The following NALF1 variants were observed in gnomAD, a reference collection of about 807,000 sequenced individuals.
NALF1 encodes family with sequence similarity 155 member A.
Under a neutral mutation model 48.4 loss-of-function variants are expected in NALF1, and 3 were observed. The observed-to-expected ratio is 0.06, with a 90% CI of 0.03 to 0.16. The LOEUF is 0.16. Ranked by LOEUF, NALF1 falls within the 10% of genes least tolerant of loss-of-function variation. The pLI, the probability that NALF1 is intolerant of heterozygous loss-of-function variation, is 1.00. For synonymous variants in NALF1, 262 were observed against 245.7 expected (o/e 1.07, Z -0.62); for missense variants, 526 against 571.5 (o/e 0.92, Z 0.81).
chr13:107,680,277 T>C (rs111653121), intron 1 of NALF1, among the ~76,000 whole-genome samples: 1 of 152,220 alleles, frequency 6.6e-6, no homozygotes, highest in Non-Finnish European at 1.5e-5. Flanking sequence ...ATGACTGTGA[T>C]GACACCAGGC....
intron 1 of NALF1, among the ~76,000 whole-genome samples, chr13:107,509,359 G>C (rs1307681352): frequency 6.6e-6 from 1 of 152,068 alleles, no homozygotes; most frequent in East Asian, 1.9e-4. Context: ...TAATTATAAA[G>C]CATATTAATA....
chr13:107,633,880 G>GTA (rs201973204), intron 1 of NALF1, among the ~76,000 whole-genome samples: 15,783 of 142,334 alleles, frequency 0.11, 1,292 homozygotes, highest in Admixed American at 0.2. Context: ...ATGTGTGTGT[G>GTA]TATATATATA....
intron 1 of NALF1, among the ~76,000 whole-genome samples, chr13:107,433,704 G>A (rs16970102): frequency 0.098 from 14,888 of 151,782 alleles, 775 homozygotes; most frequent in Non-Finnish European, 0.12. Context: ...ATTTTGTGTC[G>A]TGATAGAAGC....
intron 1 of NALF1, among the ~76,000 whole-genome samples, chr13:107,416,174 A>AAT (rs1884084873): frequency 7.0e-6 from 1 of 143,682 alleles, no homozygotes; most frequent in Non-Finnish European, 1.5e-5. Context: ...GCCCGGCTAA[A>AAT]TTTTTTTTTT....
intron 1 of NALF1, among the ~76,000 whole-genome samples, chr13:107,371,084 C>A (rs76540473): frequency 6.6e-6 from 1 of 152,288 alleles, no homozygotes; most frequent in Admixed American, 6.5e-5. Flanking sequence ...TTCAGAGATA[C>A]ACATTTCAGT....
At chr13:107,496,628 A>T (rs887143685) in intron 1 of NALF1, among the ~76,000 whole-genome samples, 1 of 152,184 alleles carries the variant, frequency 6.6e-6, no homozygotes, top group Non-Finnish European at 1.5e-5. Context: ...TGGAAAAGGA[A>T]ATGTATTAGT....
At chr13:107,662,048 T>G (rs1338355278) in intron 1 of NALF1, among the ~76,000 whole-genome samples, 1 of 152,190 alleles carries the variant, frequency 6.6e-6, no homozygotes, top group Non-Finnish European at 1.5e-5. Context: ...TTAAAAGAAG[T>G]CAGGGTTGGA....
At chr13:107,544,974 C>T (rs1263026571) in intron 1 of NALF1, among the ~76,000 whole-genome samples, 1 of 152,166 alleles carries the variant, frequency 6.6e-6, no homozygotes, top group Non-Finnish European at 1.5e-5. Context: ...TACAGTGACA[C>T]ACTGTGCTGA....
intron 1 of NALF1, among the ~76,000 whole-genome samples, chr13:107,258,295 G>C (rs879120703): frequency 6.6e-6 from 1 of 152,036 alleles, no homozygotes; most frequent in Admixed American, 6.6e-5. Context: ...GTTAATTTTA[G>C]ATTGCTAAAT....
intron 1 of NALF1, among the ~76,000 whole-genome samples, chr13:107,271,007 A>G (rs952372957): frequency 1.5e-4 from 23 of 152,182 alleles, no homozygotes; most frequent in African/African-American, 5.6e-4. Flanking sequence ...AGTATCAGCT[A>G]TGCCAAATTT....
chr13:107,576,023 T>C (rs1878137832), intron 1 of NALF1, among the ~76,000 whole-genome samples: 1 of 151,940 alleles, frequency 6.6e-6, no homozygotes, highest in Admixed American at 6.6e-5. Flanking sequence ...CCTGTGTCTG[T>C]ACGTGTTTGT....
chr13:107,208,268 G>A (rs983806598), intron 2 of NALF1, among the ~76,000 whole-genome samples: 5 of 152,120 alleles, frequency 3.3e-5, no homozygotes, highest in Non-Finnish European at 5.9e-5. Context: ...GGCCTCTCAC[G>A]GAGATGGCAC....
chr13:107,230,995 G>T (rs1344351927), intron 1 of NALF1, among the ~76,000 whole-genome samples: 1 of 148,326 alleles, frequency 6.7e-6, no homozygotes, highest in East Asian at 2.0e-4. Flanking sequence ...GGGAGGTTGA[G>T]GTTGCAGTGA....
intron 1 of NALF1, among the ~76,000 whole-genome samples, chr13:107,512,221 C>T (rs572961582): frequency 2.6e-5 from 4 of 152,162 alleles, no homozygotes; most frequent in Non-Finnish European, 4.4e-5. Flanking sequence ...GGTGAAACTC[C>T]GTCTCTACTA....
intron 1 of NALF1, among the ~76,000 whole-genome samples, chr13:107,363,454 T>A (rs1883100494): frequency 6.6e-6 from 1 of 152,012 alleles, no homozygotes; most frequent in Non-Finnish European, 1.5e-5. Flanking sequence ...AAAAGATTAT[T>A]GGGGCATGGT....
chr13:107,757,416 T>TTTC lies in NALF1; in HGVS notation c.915+108265_915+108266insGAA, dbSNP rs71676681. Among the ~76,000 whole-genome samples the TTTC allele has an allele frequency of 1.1e-4, 8 of 71,440 alleles. 1 individual carries two copies. Among genetic ancestry groups the TTTC allele is most frequent in the African/African-American group, 2.8e-4 (4 of 14,332 alleles). 46.9% of individuals were successfully genotyped at this position (71,440 alleles called of 152,430 possible). On this transcript the variant is annotated intron_variant, in intron 1 of 2. Coordinates refer to ENST00000375915, the MANE Select transcript of NALF1 (RefSeq NM_001080396.3). The stretch of plus-strand genomic sequence containing the variant: ...AGTTAACAACACTGGCCCTCATTTC[T>TTTC]TTTTTTTTTTTTTTTTTTCAGTCAA...
chr13:107,731,533 C>A (rs1282235497), intron 1 of NALF1, among the ~76,000 whole-genome samples: 1 of 152,100 alleles, frequency 6.6e-6, no homozygotes, highest in Non-Finnish European at 1.5e-5. Flanking sequence ...TTATTATTTT[C>A]TGTTGCTCTC....
At chr13:107,701,011 G>C (rs1446618211) in intron 1 of NALF1, among the ~76,000 whole-genome samples, 2 of 152,254 alleles carry the variant, frequency 1.3e-5, no homozygotes, top group Middle Eastern at 6.8e-3. Context: ...ACAGAGAAAA[G>C]AGAACCCCAG....
At chr13:107,201,953 G>T (rs1036809572) in intron 2 of NALF1, among the ~76,000 whole-genome samples, 1 of 152,088 alleles carries the variant, frequency 6.6e-6, no homozygotes, top group Non-Finnish European at 1.5e-5. Flanking sequence ...GCCTGGGTTC[G>T]TCACTCTTTT....
Sources: gnomAD v4.1 joint callset for allele counts (sites outside exome capture counted in the v4.1 genomes callset) on GRCh38, gnomAD v4.1.1 for gene constraint, MANE v1.5 for transcripts, NCBI Gene and HGNC (gene_info 2026-07-23, HGNC 2026-07-21) for gene names.